The following GNAL variants were observed in gnomAD, a reference collection of about 807,000 sequenced individuals.
GNAL encodes guanine nucleotide-binding protein G(olf) subunit alpha.
A neutral mutation model predicts 55.1 loss-of-function variants in GNAL; 18 were observed. The ratio of observed to expected loss-of-function variants is 0.33; its 90% CI spans 0.23 to 0.48. GNAL has a LOEUF of 0.48. Ranked by LOEUF, GNAL falls within the 20% of genes least tolerant of loss-of-function variation. The pLI, the probability that GNAL is intolerant of heterozygous loss-of-function variation, is 0.99. For synonymous variants in GNAL, 253 were observed against 237.0 expected (o/e 1.07, Z -0.62); for missense variants, 412 against 614.1 (o/e 0.67, Z 3.48).
chr18:11,703,096 C>T (rs1272033816), intron 1 of GNAL, among the ~76,000 whole-genome samples: 2 of 152,054 alleles, frequency 1.3e-5, no homozygotes, highest in African/African-American at 2.4e-5. Flanking sequence ...CCAGCCTGGG[C>T]GACAGAGCAA....
intron 4 of GNAL, among the ~76,000 whole-genome samples, chr18:11,755,869 C>T (rs1453051832): frequency 1.3e-5 from 2 of 152,182 alleles, no homozygotes; most frequent in Non-Finnish European, 2.9e-5. Context: ...CTCACTGATG[C>T]TATGTACACT....
In GNAL at chr18:11,753,817, C is replaced by A. The variant is rs1349046419; in HGVS notation, c.505-9C>A. The stretch of plus-strand genomic sequence containing the variant: ...GTTTATCCATATTTTTTTTCTTATT[C>A]CATTTTAGACAATTGTTTCAGCAAT... On this transcript the variant is annotated splice_polypyrimidine_tract_variant and intron_variant, in intron 3 of 11. Coordinates refer to ENST00000334049, the MANE Select transcript of GNAL (RefSeq NM_182978.4). 6.2e-7 allele frequency: 1 copy of A among 1,600,442 alleles called. No homozygotes were observed. The highest frequency in any genetic ancestry group is 8.5e-7 in the Non-Finnish European group (1 of 1,170,046).
rs117848573 is a variant in GNAL, at chr18:11,801,116, T to C, written c.625-23802T>C. 1.0e-3 allele frequency among the ~76,000 whole-genome samples: 158 copies of C among 152,288 alleles called. 1 individual carries two copies. The East Asian group carries it at 0.017, about 16-fold the overall frequency. ...TCATCCACTGCTCATGAAACAAATA[T>C]TTACTGAACTCTTAGCATGTGTCAA... On this transcript the variant is annotated intron_variant, in intron 4 of 11. Coordinates refer to ENST00000334049, the MANE Select transcript of GNAL (RefSeq NM_182978.4).
At chr18:11,693,072 A>AT (rs2031303846) in intron 1 of GNAL, among the ~76,000 whole-genome samples, 1 of 124,630 alleles carries the variant, frequency 8.0e-6, no homozygotes, top group African/African-American at 4.9e-5. Context: ...CTGACAAAAA[A>AT]AAATAAGACA....
At chr18:11,733,153 A>AG in intron 1 of GNAL, among the ~76,000 whole-genome samples, 1 of 152,302 alleles carries the variant, frequency 6.6e-6, no homozygotes, top group African/African-American at 2.4e-5. Context: ...GCTGTGGCAC[A>AG]GGGGCGCTGG....
chr18:11,729,132 C>T (rs1244853556), intron 1 of GNAL, among the ~76,000 whole-genome samples: 1 of 152,066 alleles, frequency 6.6e-6, no homozygotes, highest in Admixed American at 6.6e-5. Context: ...TTCTAAAATC[C>T]TGGAACTGAA....
chr18:11,823,162 C>T (rs909153450), intron 4 of GNAL, among the ~76,000 whole-genome samples: 10 of 151,960 alleles, frequency 6.6e-5, no homozygotes, highest in East Asian at 1.9e-4. Context: ...GTGTGTGTGA[C>T]GTGTGCGTGT....
At chr18:11,853,105 A>G (rs2035919813) in intron 5 of GNAL, 1 of 167,126 alleles carries the variant, frequency 6.0e-6, no homozygotes. Flanking sequence ...AAAAATAGAA[A>G]TAAAATTAGA....
chr18:11,847,430 GCAAATGATT>G (rs2035764751), intron 5 of GNAL, among the ~76,000 whole-genome samples: 1 of 148,548 alleles, frequency 6.7e-6, no homozygotes, highest in African/African-American at 2.5e-5. Flanking sequence ...TTCAGACTTA[GCAAATGATT>G]CTTTTCCAGT....
rs78109800 is a variant in GNAL at position 11,726,586 on chromosome 18, T to C, written c.377-26267T>C. On this transcript the variant is annotated intron_variant, in intron 1 of 11. Coordinates refer to ENST00000334049, the MANE Select transcript of GNAL (RefSeq NM_182978.4). ...TTTCTTCTCCATGTTTATCCTGGGA[T>C]CTTCTGATCCACTGTGCCAGTGGGC... Among the ~76,000 whole-genome samples the C allele has an allele frequency of 5.1e-3, 774 of 152,278 alleles. 5 individuals are homozygous for C. Among genetic ancestry groups the C allele is most frequent in the African/African-American group, 0.018 (738 of 41,572 alleles).
chr18:11,876,324 G>C (rs552869812), intron 10 of GNAL, among the ~76,000 whole-genome samples: 1 of 152,248 alleles, frequency 6.6e-6, no homozygotes, highest in South Asian at 2.1e-4. Context: ...TTAGCCAGTT[G>C]TGATGGCGGG....
chr18:11,774,117 G>C (rs533694785), intron 4 of GNAL, among the ~76,000 whole-genome samples: 8 of 152,316 alleles, frequency 5.3e-5, no homozygotes, highest in African/African-American at 1.7e-4. Flanking sequence ...ATGTCATCCT[G>C]GTCACCCTTC....
chr18:11,863,359 TC>T (rs1451618261), intron 6 of GNAL, among the ~76,000 whole-genome samples: 1 of 151,854 alleles, frequency 6.6e-6, no homozygotes, highest in Non-Finnish European at 1.5e-5. Context: ...TCTCCAAACT[TC>T]CCCCAGAGTC....
intron 4 of GNAL, among the ~76,000 whole-genome samples, chr18:11,758,327 G>A (rs529764384): frequency 6.6e-6 from 1 of 152,296 alleles, no homozygotes; most frequent in East Asian, 1.9e-4. Context: ...GGGGATGATC[G>A]TCTAGTTTTG....
chr18:11,695,678 G>A (rs73944205), intron 1 of GNAL, among the ~76,000 whole-genome samples: 4,425 of 152,112 alleles, frequency 0.029, 234 homozygotes, highest in African/African-American at 0.1. Flanking sequence ...ATTGTTATTC[G>A]AATTTTAAAT....
rs756360527 is a variant in GNAL, at chr18:11,872,242, T to TTGTA, written c.1032-22_1032-19dup. On this transcript the variant is annotated intron_variant, in intron 9 of 11. Transcript: ENST00000334049. ...TTTCATGTACTAGTGTATGTGAAATTTGTATGTTTATTTTTCCTTTTTTAG... is the reference window on the plus strand; with the variant it reads ...TTTCATGTACTAGTGTATGTGAAATTTGTATGTATGTTTATTTTTCCTTTTTTAG... 52 of 1,523,260 alleles carry TTGTA rather than the reference T, an allele frequency of 3.4e-5. No homozygotes were observed. In the Admixed American group the frequency reaches 1.1e-3, roughly 32 times the overall value. The allele number at this position is 1,523,260 out of a possible 1,614,324, so 94.4% of individuals were successfully genotyped here.
At chr18:11,764,387 G>A (rs1019903540) in intron 4 of GNAL, among the ~76,000 whole-genome samples, 2 of 152,126 alleles carry the variant, frequency 1.3e-5, no homozygotes, top group African/African-American at 4.8e-5. Flanking sequence ...GATTACAGGC[G>A]TGAGCCACCA....
Position 11,882,385 on chromosome 18 carries a change from A to G in GNAL, c.*1250A>G, listed in dbSNP as rs2036717378. 6.6e-6 allele frequency: 1 copy of G among 152,184 alleles called. No individual in the cohort carries two copies. Among genetic ancestry groups the G allele is most frequent in the Non-Finnish European group, 1.5e-5 (1 of 68,050 alleles). 9.4% of individuals were successfully genotyped at this position (152,184 alleles called of 1,614,324 possible). A position where few individuals can be genotyped will look rare whatever the true frequency, so the allele number is the denominator to read the frequency against. On this transcript the variant is annotated 3_prime_UTR_variant, in exon 12 of 12. Coordinates refer to ENST00000334049, the MANE Select transcript of GNAL (RefSeq NM_182978.4). ...GGCTACGTCATACAAGTAAGCAAAC[A>G]GTAAGAGAAAAACAAAATGTGGCCA...
intron 4 of GNAL, among the ~76,000 whole-genome samples, chr18:11,794,591 A>C (rs2034326224): frequency 6.6e-6 from 1 of 152,130 alleles, no homozygotes; most frequent in Admixed American, 6.5e-5. Flanking sequence ...GGGAATGAGG[A>C]GTGACCACCT....
Sources: allele counts gnomAD v4.1 joint callset (sites outside exome capture counted in the v4.1 genomes callset), GRCh38; gene constraint gnomAD v4.1.1; transcripts MANE v1.5; gene names NCBI Gene and HGNC (gene_info 2026-07-23, HGNC 2026-07-21).